NTAQ1: variants seen among roughly 807,000 people sequenced by gnomAD.
NTAQ1 encodes the protein protein N-terminal glutamine amidohydrolase.
NTAQ1 carries 21 observed loss-of-function variants against 28.2 expected under a neutral mutation model. The observed-to-expected ratio is 0.74, with a 90% CI of 0.53 to 1.07. The LOEUF (loss-of-function observed/expected upper bound fraction) is 1.07. Among genes scored for constraint, NTAQ1 ranks in the 50% least tolerant of loss-of-function variants. The pLI is 0.00. For synonymous variants in NTAQ1, 105 were observed against 90.0 expected (o/e 1.17, Z -0.94); for missense variants, 264 against 256.6 (o/e 1.03, Z -0.20).
intron 6 of NTAQ1, among the ~76,000 whole-genome samples, chr8:123,457,548 G>A (rs1269326041): frequency 1.3e-5 from 2 of 152,090 alleles, no homozygotes; most frequent in African/African-American, 4.8e-5. Context: ...TGTACTAAAA[G>A]ATAAAAACGT....
At chr8:123,426,746 G>A (rs1052322481) in intron 1 of NTAQ1, among the ~76,000 whole-genome samples, 3 of 151,926 alleles carry the variant, frequency 2.0e-5, no homozygotes, top group African/African-American at 7.3e-5. Context: ...GATCACTTGA[G>A]ATCAAGAGTT....
chr8:123,438,686 G>A (rs13263126), intron 5 of NTAQ1, among the ~76,000 whole-genome samples: 6 of 139,786 alleles, frequency 4.3e-5, no homozygotes, highest in African/African-American at 1.3e-4. Flanking sequence ...AAAAAAAAAA[G>A]AAAAAGAAAA....
intron 1 of NTAQ1, among the ~76,000 whole-genome samples, chr8:123,425,897 A>C (rs1244654429): frequency 2.6e-5 from 4 of 152,158 alleles, no homozygotes; most frequent in African/African-American, 9.7e-5. Context: ...GGTGGCATGC[A>C]TCTGTAGTCC....
intron 5 of NTAQ1, among the ~76,000 whole-genome samples, chr8:123,440,743 T>G (rs144040386): frequency 0.022 from 3,362 of 151,960 alleles, 113 homozygotes; most frequent in African/African-American, 0.074. Context: ...TCAAGTGATC[T>G]GCCCACCTCG....
At chr8:123,467,955 T>G (rs900233434) in exon 7 of NTAQ1, among the ~76,000 whole-genome samples, 1 of 151,882 alleles carries the variant, frequency 6.6e-6, no homozygotes, top group Non-Finnish European at 1.5e-5. Flanking sequence ...GCCATGTTGG[T>G]CAGGCTGGTC....
chr8:123,466,028 C>A (rs1815953124), intron 6 of NTAQ1, among the ~76,000 whole-genome samples: 1 of 152,188 alleles, frequency 6.6e-6, no homozygotes, highest in African/African-American at 2.4e-5. Flanking sequence ...TCCAAGAGGA[C>A]CCTCTGGGAG....
downstream of NTAQ1, among the ~76,000 whole-genome samples, chr8:123,446,945 G>T (rs192048407): frequency 6.6e-4 from 101 of 152,244 alleles, no homozygotes; most frequent in African/African-American, 2.4e-3. Context: ...TTTTGACCAC[G>T]TCCTGATCTC....
At chr8:123,436,005 T>C (rs1308016700) in intron 3 of NTAQ1, among the ~76,000 whole-genome samples, 1 of 150,962 alleles carries the variant, frequency 6.6e-6, no homozygotes, top group Non-Finnish European at 1.5e-5. Flanking sequence ...CTATCTCTAC[T>C]AAAAATACAA....
chr8:123,453,582 C>G (rs1487381983), intron 6 of NTAQ1, among the ~76,000 whole-genome samples: 4 of 152,142 alleles, frequency 2.6e-5, no homozygotes, highest in Admixed American at 2.6e-4. Flanking sequence ...ACACCTGCCA[C>G]CATGCCTGGC....
At chr8:123,425,048 T>C (rs1289236552) in intron 1 of NTAQ1, among the ~76,000 whole-genome samples, 1 of 152,142 alleles carries the variant, frequency 6.6e-6, no homozygotes, top group Non-Finnish European at 1.5e-5. Context: ...GGAAATTTTA[T>C]TGTGACGTAA....
chr8:123,468,062 G>T (rs775597019), exon 7 of NTAQ1, among the ~76,000 whole-genome samples: 2 of 152,184 alleles, frequency 1.3e-5, no homozygotes, highest in South Asian at 2.1e-4. Flanking sequence ...TGAAGCAGGA[G>T]GCCAGATCAA....
At chr8:123,464,244 AC>A (rs1393207190) in intron 6 of NTAQ1, among the ~76,000 whole-genome samples, 1 of 152,172 alleles carries the variant, frequency 6.6e-6, no homozygotes, top group Non-Finnish European at 1.5e-5. Flanking sequence ...CCCTAAAGGG[AC>A]CAGTCAATGG....
downstream of NTAQ1, among the ~76,000 whole-genome samples, chr8:123,451,740 A>C (rs560349345): frequency 1.3e-5 from 2 of 152,222 alleles, no homozygotes; most frequent in East Asian, 3.9e-4. Flanking sequence ...TATAGTAAGC[A>C]CTCAACAAAT....
intron 3 of NTAQ1, among the ~76,000 whole-genome samples, chr8:123,433,745 G>A (rs1814531096): frequency 6.6e-6 from 1 of 152,122 alleles, no homozygotes; most frequent in African/African-American, 2.4e-5. Context: ...ACCATGCCCA[G>A]CCTTTGGTTG....
intron 6 of NTAQ1, among the ~76,000 whole-genome samples, chr8:123,462,057 A>T (rs1264888447): frequency 1.3e-5 from 2 of 151,934 alleles, no homozygotes; most frequent in Admixed American, 6.6e-5. Context: ...CTTTTTAAAA[A>T]TTTTTTTTAA....
At chr8:123,474,721 A>T (rs925657247), downstream of NTAQ1, among the ~76,000 whole-genome samples, 12 of 152,268 alleles carry the variant, frequency 7.9e-5, no homozygotes, top group Middle Eastern at 3.4e-3. Context: ...CCTGGCCAAC[A>T]TGGTGAAACC....
intron 2 of NTAQ1, among the ~76,000 whole-genome samples, chr8:123,428,649 A>G (rs1814216582): frequency 2.0e-5 from 3 of 151,354 alleles, no homozygotes; most frequent in African/African-American, 4.9e-5. Context: ...TGCCCAGGCT[A>G]TAGCACAATG....
chr8:123,417,075 C>G (rs1813343922), intron 1 of NTAQ1, 143 bp downstream of exon 1: 1 of 786,536 alleles, frequency 1.3e-6, no homozygotes, highest in Non-Finnish European at 1.8e-6. Context: ...GAGGAGGGAG[C>G]GGGAATGGCA....
downstream of NTAQ1, among the ~76,000 whole-genome samples, chr8:123,451,163 A>G (rs569071274): frequency 4.2e-4 from 64 of 151,406 alleles, no homozygotes; most frequent in Non-Finnish European, 5.3e-4. Context: ...TTTCTCCCTT[A>G]TCTTCTGTTG....
Sources: allele counts gnomAD v4.1 joint callset (sites outside exome capture counted in the v4.1 genomes callset), GRCh38; gene constraint gnomAD v4.1.1; transcripts MANE v1.5; gene names NCBI Gene and HGNC (gene_info 2026-07-23, HGNC 2026-07-21).